Variants in KCNK9 observed in about 807,000 individuals in gnomAD.
KCNK9 encodes the protein potassium two pore domain channel subfamily K member 9, also known as potassium channel subfamily K member 9.
In KCNK9, 1 loss-of-function variant was observed where a neutral mutation model predicts 10.8. The observed-to-expected ratio is 0.09, with a 90% confidence interval of 0.03 to 0.44. The LOEUF (loss-of-function observed/expected upper bound fraction) is 0.44, where lower values mean the gene tolerates loss of function less well. Among genes scored for constraint, KCNK9 ranks in the 20% least tolerant of loss-of-function variants. The pLI is 0.97. For missense variants in KCNK9, 303 were observed against 515.0 expected (o/e 0.59, Z 3.98); for synonymous variants, 231 against 222.7 (o/e 1.04, Z -0.33).
At chr8:139,673,281 A>C (rs553868130) in intron 1 of KCNK9, among the ~76,000 whole-genome samples, 17 of 152,316 alleles carry the variant, frequency 1.1e-4, no homozygotes, top group African/African-American at 3.6e-4. Flanking sequence ...TCGACTGTGG[A>C]GATGGCTGCG....
intron 2 of KCNK9, among the ~76,000 whole-genome samples, chr8:139,607,373 G>A (rs1019607909): frequency 3.3e-5 from 5 of 152,200 alleles, no homozygotes; most frequent in African/African-American, 9.7e-5. Context: ...GGCAGCACAT[G>A]CTCAACGTGC....
intron 1 of KCNK9, among the ~76,000 whole-genome samples, chr8:139,630,062 G>T (rs532062235): frequency 6.6e-6 from 1 of 151,868 alleles, no homozygotes; most frequent in Admixed American, 6.6e-5. Flanking sequence ...GGTTGCGGGG[G>T]GAGCGGGCGT....
chr8:139,621,355 T>C (rs1814773920), intron 1 of KCNK9, among the ~76,000 whole-genome samples: 1 of 149,702 alleles, frequency 6.7e-6, no homozygotes, highest in African/African-American at 2.5e-5. Context: ...AGAAATTCAG[T>C]GAACCCCAGG....
intron 1 of KCNK9, among the ~76,000 whole-genome samples, chr8:139,674,180 T>G (rs1816497753): frequency 6.6e-6 from 1 of 152,140 alleles, no homozygotes; most frequent in Admixed American, 6.5e-5. Context: ...TTGGGGGTGA[T>G]CAGGCTTAGA....
intron 1 of KCNK9, among the ~76,000 whole-genome samples, chr8:139,642,461 C>CA (rs1815532319): frequency 6.6e-6 from 1 of 152,224 alleles, no homozygotes; most frequent in Non-Finnish European, 1.5e-5. Flanking sequence ...GCATGCTTTA[C>CA]AAAAAATGTC....
downstream of KCNK9, among the ~76,000 whole-genome samples, chr8:139,613,898 T>C (rs1322652171): frequency 2.0e-5 from 3 of 152,112 alleles, no homozygotes; most frequent in Non-Finnish European, 4.4e-5. Flanking sequence ...TTTGCCAGAG[T>C]GCTTCACTGA....
chr8:139,686,587 T>C (rs1176225982), intron 1 of KCNK9, among the ~76,000 whole-genome samples: 1 of 152,248 alleles, frequency 6.6e-6, no homozygotes, highest in African/African-American at 2.4e-5. Flanking sequence ...AGGTCGATTA[T>C]TGTTGTTGTT....
At chr8:139,667,896 A>G (rs1293514216) in intron 1 of KCNK9, among the ~76,000 whole-genome samples, 1 of 152,086 alleles carries the variant, frequency 6.6e-6, no homozygotes, top group African/African-American at 2.4e-5. Flanking sequence ...AAAAAAAAAA[A>G]AAGATTCCAT....
At chr8:139,614,507 G>C (rs1022606257), downstream of KCNK9, among the ~76,000 whole-genome samples, 5 of 152,186 alleles carry the variant, frequency 3.3e-5, no homozygotes, top group African/African-American at 9.6e-5. Context: ...ATGCTTCCAA[G>C]GGGGTTCACA....
intron 1 of KCNK9, among the ~76,000 whole-genome samples, chr8:139,630,944 A>T (rs1198194549): frequency 1.3e-5 from 2 of 152,254 alleles, no homozygotes; most frequent in African/African-American, 2.4e-5. Context: ...GTTGCCAGGA[A>T]GGAGCCGAAT....
intron 1 of KCNK9, among the ~76,000 whole-genome samples, chr8:139,672,738 C>G (rs75202596): frequency 1.3e-5 from 2 of 152,202 alleles, no homozygotes; most frequent in East Asian, 3.9e-4. Flanking sequence ...GTCCTGTTTC[C>G]TCTCCAGAGA....
intron 1 of KCNK9, among the ~76,000 whole-genome samples, chr8:139,698,472 G>A (rs140152304): frequency 0.011 from 1,631 of 152,348 alleles, 9 homozygotes; most frequent in Non-Finnish European, 0.017. Context: ...CTTCTTGGAG[G>A]ACAAGCCCCT....
chr8:139,688,544 T>C (rs1417468773), intron 1 of KCNK9, among the ~76,000 whole-genome samples: 9 of 152,178 alleles, frequency 5.9e-5, no homozygotes, highest in African/African-American at 2.2e-4. Flanking sequence ...TTCCCTCCCT[T>C]GACACATGGG....
chr8:139,604,738 C>G (rs2545433), intron 2 of KCNK9, among the ~76,000 whole-genome samples: 115,573 of 152,170 alleles, frequency 0.76, 44,734 homozygotes, highest in East Asian at 0.97. Flanking sequence ...CCAGGGCTCA[C>G]GCCCATCTGT....
intron 2 of KCNK9, among the ~76,000 whole-genome samples, chr8:139,603,047 G>C (rs966188980): frequency 2.0e-5 from 3 of 152,162 alleles, no homozygotes; most frequent in Admixed American, 6.5e-5. Context: ...TGCTCCTACG[G>C]TTCTCATCAG....
intron 1 of KCNK9, among the ~76,000 whole-genome samples, chr8:139,640,935 T>C (rs1238673969): frequency 1.3e-5 from 2 of 152,356 alleles, no homozygotes; most frequent in East Asian, 1.9e-4. Context: ...ATTGAATGCA[T>C]CAGTCAGGAA....
chr8:139,700,008 C>G (rs997400577), intron 1 of KCNK9, among the ~76,000 whole-genome samples: 5 of 152,084 alleles, frequency 3.3e-5, no homozygotes, highest in African/African-American at 4.8e-5. Flanking sequence ...GGAGACAAAT[C>G]CTTGGAGGGC....
intron 1 of KCNK9, among the ~76,000 whole-genome samples, chr8:139,687,486 A>ATACACATATATTCATATATATG (rs1816827598): frequency 1.5e-5 from 1 of 68,148 alleles, no homozygotes; most frequent in Non-Finnish European, 3.1e-5. Context: ...ATGTATACAT[A>ATACACATATATTCATATATATG]TATACACATA....
intron 1 of KCNK9, among the ~76,000 whole-genome samples, chr8:139,627,627 T>A (rs1270461335): frequency 6.6e-6 from 1 of 152,268 alleles, no homozygotes; most frequent in African/African-American, 2.4e-5. Context: ...TCACAGACAG[T>A]TCATTCTGTT....
Sources: allele counts gnomAD v4.1 joint callset (sites outside exome capture counted in the v4.1 genomes callset), GRCh38; gene constraint gnomAD v4.1.1; transcripts MANE v1.5; gene names NCBI Gene and HGNC (gene_info 2026-07-23, HGNC 2026-07-21).